The following CACNA1C variants were observed in gnomAD, a reference collection of about 807,000 sequenced individuals.
The protein encoded by CACNA1C is voltage-dependent L-type calcium channel subunit alpha-1C.
CACNA1C carries 30 observed loss-of-function variants against 229.0 expected under a neutral mutation model. That is an observed-to-expected ratio of 0.13 (90% CI 0.10 to 0.18). CACNA1C has a LOEUF of 0.18. CACNA1C is among the 10% of genes least tolerant of loss of function. The pLI is 1.00. For missense variants in CACNA1C, 1,658 were observed against 2,845.0 expected, an observed-to-expected ratio of 0.58 and a Z score of 9.49; for synonymous variants, 1,114 against 1,132.5, an observed-to-expected ratio of 0.98 and a Z score of 0.33.
intron 30 of CACNA1C, 145 bp downstream of exon 30, chr12:2,634,525 T>G (rs886788284): frequency 1.6e-5 from 7 of 440,784 alleles, no homozygotes; most frequent in Middle Eastern, 3.2e-4. Flanking sequence ...GGTTTGAAGG[T>G]TTTTTTTTCC....
intron 3 of CACNA1C, among the ~76,000 whole-genome samples, chr12:2,336,067 T>A (rs757305557): frequency 1.3e-5 from 2 of 149,856 alleles, no homozygotes; most frequent in Non-Finnish European, 3.0e-5. Flanking sequence ...TCTTTGTTCC[T>A]CAGTGAAAAT....
At chr12:2,236,934 C>T (rs771963653) in intron 3 of CACNA1C, among the ~76,000 whole-genome samples, 2 of 152,210 alleles carry the variant, frequency 1.3e-5, no homozygotes, top group Non-Finnish European at 2.9e-5. Context: ...CAGTTAGCCT[C>T]CAGGGGTTTC....
intron 3 of CACNA1C, among the ~76,000 whole-genome samples, chr12:2,151,751 C>T (rs1254925726): frequency 1.3e-5 from 2 of 152,178 alleles, no homozygotes; most frequent in African/African-American, 4.8e-5. Flanking sequence ...CAGCAGGCCA[C>T]TCTCGGAGAC....
At position 2,255,477 on chromosome 12, in the gene CACNA1C, G is replaced by A. The variant is rs570309265; in HGVS notation, c.477+135047G>A. The stretch of plus-strand genomic sequence containing the variant: ...GAGATGTCTGAACTGCCAGGAGGTG[G>A]TGGCTACAGATGGTCCCTGGCACAG... On this transcript the variant is annotated intron_variant, in intron 3 of 46. Transcript: ENST00000399655. Among the ~76,000 whole-genome samples the A allele has an allele frequency of 4.5e-4, 69 of 152,272 alleles. 1 individual carries two copies. The highest frequency in any genetic ancestry group is 1.9e-3 in the South Asian group (9 of 4,816).
At chr12:1,995,940 T>C (rs2040690910) in intron 1 of CACNA1C, among the ~76,000 whole-genome samples, 1 of 152,184 alleles carries the variant, frequency 6.6e-6, no homozygotes, top group Non-Finnish European at 1.5e-5. Flanking sequence ...TTCCAAATCA[T>C]TACTTCAAAG....
At chr12:2,118,705 A>G (rs1484625168) in intron 2 of CACNA1C, among the ~76,000 whole-genome samples, 1 of 152,216 alleles carries the variant, frequency 6.6e-6, no homozygotes, top group Non-Finnish European at 1.5e-5. Context: ...CAGCACCAGC[A>G]TCAGCGTCTG....
intron 5 of CACNA1C, among the ~76,000 whole-genome samples, chr12:2,458,370 A>T (rs568316646): frequency 3.9e-5 from 6 of 152,196 alleles, no homozygotes; most frequent in Non-Finnish European, 7.3e-5. Flanking sequence ...CTTCTCCAGA[A>T]GCCTGGCCCA....
chr12:2,260,305 G>C (rs1258234992), intron 3 of CACNA1C, among the ~76,000 whole-genome samples: 1 of 151,772 alleles, frequency 6.6e-6, no homozygotes, highest in African/African-American at 2.4e-5. Context: ...GTGGGACCTT[G>C]TCTCTACAAA....
intron 4 of CACNA1C, among the ~76,000 whole-genome samples, chr12:2,450,369 A>G (rs1010302755): frequency 6.6e-6 from 1 of 151,628 alleles, no homozygotes; most frequent in Admixed American, 6.6e-5. Flanking sequence ...CCTGGCTAAC[A>G]CGGTGAAACC....
chr12:2,075,331 C>T (rs2062807962), intron 1 of CACNA1C, among the ~76,000 whole-genome samples: 1 of 152,164 alleles, frequency 6.6e-6, no homozygotes, highest in African/African-American at 2.4e-5. Flanking sequence ...AAGTGTGTCC[C>T]ATACTCTATC....
At chr12:2,572,498 T>C (rs1429689052) in intron 13 of CACNA1C, among the ~76,000 whole-genome samples, 5 of 70,244 alleles carry the variant, frequency 7.1e-5, no homozygotes, top group Admixed American at 1.7e-4. Context: ...CTCCTCCTCC[T>C]CTCCTGCTCC....
At chr12:2,235,850 C>T (rs944517745) in intron 3 of CACNA1C, among the ~76,000 whole-genome samples, 1 of 152,166 alleles carries the variant, frequency 6.6e-6, no homozygotes, top group East Asian at 1.9e-4. Context: ...CATCCATCCT[C>T]CCATCTGCCT....
intron 3 of CACNA1C, among the ~76,000 whole-genome samples, chr12:2,164,015 C>T (rs1422946653): frequency 2.0e-5 from 3 of 152,166 alleles, no homozygotes; most frequent in Non-Finnish European, 2.9e-5. Flanking sequence ...GCCACCTTGC[C>T]GTGGCTTCTT....
chr12:2,378,564 G>C (rs1174929671), intron 3 of CACNA1C, among the ~76,000 whole-genome samples: 1 of 152,192 alleles, frequency 6.6e-6, no homozygotes, highest in East Asian at 1.9e-4. Context: ...CAAGAGGGGA[G>C]CAGTTGTCTA....
At chr12:2,422,398 A>G (rs1301078207) in intron 3 of CACNA1C, among the ~76,000 whole-genome samples, 1 of 152,158 alleles carries the variant, frequency 6.6e-6, no homozygotes, top group African/African-American at 2.4e-5. Context: ...TTTTACCAAT[A>G]GAGTTTCCCT....
chr12:2,244,900 A>G (rs1300558435), intron 3 of CACNA1C, among the ~76,000 whole-genome samples: 1 of 152,198 alleles, frequency 6.6e-6, no homozygotes, highest in Non-Finnish European at 1.5e-5. Flanking sequence ...TCAACAAAAA[A>G]CAAACAGAGT....
upstream of CACNA1C, among the ~76,000 whole-genome samples, chr12:2,048,794 T>G (rs1565370020): frequency 6.6e-6 from 1 of 152,240 alleles, no homozygotes; most frequent in East Asian, 1.9e-4. Flanking sequence ...GTGTGTGTGC[T>G]AAGGGAAGAG....
intron 34 of CACNA1C, among the ~76,000 whole-genome samples, chr12:2,663,847 T>C (rs2095908887): frequency 1.3e-5 from 2 of 148,510 alleles, no homozygotes; most frequent in South Asian, 4.5e-4. Context: ...GTTCACGCCA[T>C]TCTCCTGCCT....
chr12:2,138,445 G>C (rs1335663880), intron 3 of CACNA1C, among the ~76,000 whole-genome samples: 1 of 151,112 alleles, frequency 6.6e-6, no homozygotes, highest in Non-Finnish European at 1.5e-5. Flanking sequence ...CTCACAGTGT[G>C]GAGGTGCTTG....
Sources: gnomAD v4.1 joint callset for allele counts (sites outside exome capture counted in the v4.1 genomes callset) on GRCh38, gnomAD v4.1.1 for gene constraint, MANE v1.5 for transcripts, NCBI Gene and HGNC (gene_info 2026-07-23, HGNC 2026-07-21) for gene names.